The following TLE3 variants were observed in gnomAD, a reference collection of about 807,000 sequenced individuals.
The protein encoded by TLE3 is transducin-like enhancer protein 3.
A neutral mutation model predicts 93.0 loss-of-function variants in TLE3; 14 were observed. The observed-to-expected ratio is 0.15, with a 90% CI of 0.10 to 0.24. TLE3 has a LOEUF of 0.24. Ranked by LOEUF, TLE3 falls within the 10% of genes least tolerant of loss-of-function variation. TLE3 has a pLI of 1.00. For synonymous variants in TLE3, 451 were observed against 425.0 expected, an observed-to-expected ratio of 1.06 and a Z score of -0.75; for missense variants, 693 against 1,046.6, an observed-to-expected ratio of 0.66 and a Z score of 4.66.
intron 4 of TLE3, among the ~76,000 whole-genome samples, chr15:70,076,853 T>C (rs2057471537): frequency 6.6e-6 from 1 of 152,142 alleles, no homozygotes; most frequent in African/African-American, 2.4e-5. Context: ...CCCAAATATC[T>C]GTGACTATAG....
intron 4 of TLE3, among the ~76,000 whole-genome samples, chr15:70,089,488 G>T (rs541136983): frequency 6.6e-6 from 1 of 152,146 alleles, no homozygotes; most frequent in Non-Finnish European, 1.5e-5. Flanking sequence ...CCTGCAGAGC[G>T]GGCGGCCAGC....
At chr15:70,075,432 A>G (rs535973797) in intron 5 of TLE3, among the ~76,000 whole-genome samples, 5 of 152,250 alleles carry the variant, frequency 3.3e-5, no homozygotes, top group Non-Finnish European at 5.9e-5. Flanking sequence ...GGGCATTGCC[A>G]TATCTGATTC....
chr15:70,049,697 C>T lies in TLE3; in HGVS notation c.*400G>A. 1 of 180,816 alleles carries T rather than the reference C, an allele frequency of 5.5e-6. No homozygotes were observed. The highest frequency in any genetic ancestry group is 5.4e-5 in the Admixed American group (1 of 18,424). The allele number at this position is 180,816 out of a possible 1,614,324, so 11.2% of individuals were successfully genotyped here. Reference sequence around the variant, plus strand: ...GCACAATCGGCAAAGAGAGACCCCCCCATCCCCCAGCACAACATTGTGGTC... The same window carrying T: ...GCACAATCGGCAAAGAGAGACCCCCTCATCCCCCAGCACAACATTGTGGTC... On this transcript the variant is annotated 3_prime_UTR_variant, in exon 20 of 20. Transcript: ENST00000451782.
chr15:70,066,271 G>A (rs939834726), intron 6 of TLE3, 53 bp from the exon 7 acceptor site: 23 of 1,417,730 alleles, frequency 1.6e-5, no homozygotes, highest in South Asian at 1.3e-4. Flanking sequence ...CAGGGGAGGC[G>A]TGGCCACCTC....
chr15:70,058,323 C>T lies in TLE3; in HGVS notation c.919-32G>A, dbSNP rs140018652. 6.5e-4 allele frequency: 1,015 copies of T among 1,563,918 alleles called. 20 individuals are homozygous for T. The East Asian group carries it at 0.022, about 34-fold the overall frequency. ...AGGGGAGATGCAGAACAAGGGAGGC[C>T]ATGAGGCTTCCATTCTCCTAGGAGC... On this transcript the variant is annotated intron_variant, in intron 11 of 19. Transcript: ENST00000451782. This position sits in a 1 kb window ranked among gnomAD's most constrained non-coding sequence, Gnocchi z 4.1.
rs184699460 is a variant in TLE3, at chr15:70,082,555, C to A, written c.235-6397G>T. 4.4e-4 allele frequency among the ~76,000 whole-genome samples: 67 copies of A among 152,282 alleles called. 1 individual carries two copies. The highest frequency in any genetic ancestry group is 1.5e-3 in the African/African-American group (64 of 41,554). On this transcript the variant is annotated intron_variant, in intron 4 of 19. Coordinates refer to ENST00000451782, the MANE Select transcript of TLE3 (RefSeq NM_001105192.3). ...TGACAGGTGAGCCTTCTTAAAGGCC[C>A]TTTTAGCACTGACATATTGATCAAA...
At chr15:70,094,777 C>T (rs2058469389) in intron 3 of TLE3, 1 of 564,594 alleles carries the variant, frequency 1.8e-6, no homozygotes, top group African/African-American at 1.9e-5. Flanking sequence ...CTCAACAGAA[C>T]GTTATATTAT....
intron 4 of TLE3, among the ~76,000 whole-genome samples, chr15:70,083,408 T>TG (rs1223785015): frequency 2.0e-5 from 3 of 152,192 alleles, no homozygotes; most frequent in African/African-American, 7.2e-5. Flanking sequence ...CCCCTACTTG[T>TG]GGGGGGAGAT....
intron 15 of TLE3, 112 bp downstream of exon 15, chr15:70,054,937 G>T: frequency 7.0e-7 from 1 of 1,433,706 alleles, no homozygotes. Context: ...CTTGCCTAAA[G>T]TTGCTCAGCC....
At chr15:70,096,340 C>T (rs1423716979) in intron 1 of TLE3, 79 bp from the exon 2 acceptor site, 2 of 1,521,402 alleles carry the variant, frequency 1.3e-6, no homozygotes, top group South Asian at 1.2e-5. Flanking sequence ...CCCTCCCCAA[C>T]GGCGCCCAAC....
chr15:70,052,931 G>A, intron 17 of TLE3: 1 of 409,834 alleles, frequency 2.4e-6, no homozygotes, highest in East Asian at 4.2e-5. Context: ...AGACCTAGGA[G>A]GGTGCTACTA....
chr15:70,072,144 G>A (rs1001443038), intron 6 of TLE3, among the ~76,000 whole-genome samples: 4 of 152,192 alleles, frequency 2.6e-5, no homozygotes, highest in African/African-American at 9.7e-5. Context: ...GGGGGTCACA[G>A]GCCCCACTCG....
rs1201527136 is a variant in TLE3, at chr15:70,060,655, A to G, written c.595-6T>C. The stretch of plus-strand genomic sequence containing the variant: ...GAGGGTGACACAGAGTTATTCTGGA[A>G]GGAAAAAGAGGGTTCGGGGTTAAAA... On this transcript the variant is annotated splice_region_variant and splice_polypyrimidine_tract_variant and intron_variant, in intron 8 of 19. Coordinates refer to ENST00000451782, the MANE Select transcript of TLE3 (RefSeq NM_001105192.3). The G allele has an allele frequency of 6.2e-7, 1 of 1,613,454 alleles. No homozygotes were observed. The highest frequency in any genetic ancestry group is 1.3e-5 in the African/African-American group (1 of 74,926).
chr15:70,080,271 G>A (rs1234220311), intron 4 of TLE3, among the ~76,000 whole-genome samples: 1 of 152,202 alleles, frequency 6.6e-6, no homozygotes, highest in Non-Finnish European at 1.5e-5. Context: ...CAGGTCTTCA[G>A]AAGCGAATCT....
chr15:70,073,765 C>T (rs903706163), intron 6 of TLE3, among the ~76,000 whole-genome samples: 3 of 152,336 alleles, frequency 2.0e-5, no homozygotes, highest in Middle Eastern at 3.4e-3. Flanking sequence ...TCCTCAGGTG[C>T]TTATCTTAAA....
chr15:70,092,301 C>T (rs143065239), intron 4 of TLE3, among the ~76,000 whole-genome samples: 2 of 152,338 alleles, frequency 1.3e-5, no homozygotes, highest in Non-Finnish European at 2.9e-5. Flanking sequence ...GTTTCTTCAC[C>T]TCCTTGCCTC....
chr15:70,086,332 T>G (rs1272514851), intron 4 of TLE3, among the ~76,000 whole-genome samples: 1 of 152,210 alleles, frequency 6.6e-6, no homozygotes, highest in Non-Finnish European at 1.5e-5. Flanking sequence ...CTGCCAGTAT[T>G]ATCAGAATTA....
chr15:70,066,232 G>C lies in TLE3; in HGVS notation c.373-14C>G. The C allele has an allele frequency of 6.6e-7, 1 of 1,516,722 alleles. No individual in the cohort carries two copies. Among genetic ancestry groups the C allele is most frequent in the Non-Finnish European group, 8.8e-7 (1 of 1,133,326 alleles). The allele number at this position is 1,516,722 out of a possible 1,614,324, so 94.0% of individuals were successfully genotyped here. On this transcript the variant is annotated splice_polypyrimidine_tract_variant and intron_variant, in intron 6 of 19. Coordinates refer to ENST00000451782, the MANE Select transcript of TLE3 (RefSeq NM_001105192.3). Reference sequence around the variant, plus strand: ...GAGCTGCTGCTGCTGCAATGAAGTCGGTGGTGAGTACAGCTGAGTTGGGGA... The same window carrying C: ...GAGCTGCTGCTGCTGCAATGAAGTCCGTGGTGAGTACAGCTGAGTTGGGGA...
intron 3 of TLE3, 87 bp from the exon 4 acceptor site, chr15:70,094,663 C>T (rs751968289): frequency 9.2e-6 from 9 of 983,278 alleles, no homozygotes; most frequent in Non-Finnish European, 1.4e-5. Context: ...AGGTTTTGGC[C>T]AAATCATACT....
Sources: gnomAD v4.1 joint callset for allele counts (sites outside exome capture counted in the v4.1 genomes callset) on GRCh38, gnomAD v4.1.1 for gene constraint, Gnocchi (gnomAD v3.1) non-coding constraint, MANE v1.5 for transcripts, NCBI Gene and HGNC (gene_info 2026-07-23, HGNC 2026-07-21) for gene names.